The following CFAP299 variants were observed in gnomAD, a reference collection of about 807,000 sequenced individuals.
CFAP299 encodes cilia and flagella associated protein 299.
In CFAP299, 21 loss-of-function variants were observed where a neutral mutation model predicts 27.0. That is an observed-to-expected ratio of 0.78 (90% confidence interval 0.55 to 1.12). The LOEUF is 1.12. Among genes scored for constraint, CFAP299 ranks in the 50% most tolerant of loss-of-function variants. CFAP299 has a pLI of 0.00. For missense variants in CFAP299, 310 were observed against 276.6 expected (o/e 1.12, Z -0.86); for synonymous variants, 104 against 98.1 (o/e 1.06, Z -0.36).
intron 3 of CFAP299, among the ~76,000 whole-genome samples, chr4:80,730,369 C>T (rs1372106483): frequency 1.3e-5 from 2 of 151,574 alleles, no homozygotes; most frequent in East Asian, 1.9e-4. Flanking sequence ...AACACTCTTA[C>T]ACTTCCACAT....
At chr4:80,797,797 A>T (rs893498891) in intron 3 of CFAP299, among the ~76,000 whole-genome samples, 1 of 151,672 alleles carries the variant, frequency 6.6e-6, no homozygotes, top group Non-Finnish European at 1.5e-5. Context: ...TGACTAATCC[A>T]CTCCACCATC....
intron 3 of CFAP299, among the ~76,000 whole-genome samples, chr4:80,806,660 G>A (rs919661333): frequency 2.6e-5 from 4 of 152,154 alleles, no homozygotes; most frequent in African/African-American, 9.7e-5. Flanking sequence ...ACAAACAACA[G>A]AAAGTGGAAC....
intron 3 of CFAP299, among the ~76,000 whole-genome samples, chr4:80,804,317 T>C (rs1022020584): frequency 2.6e-5 from 4 of 152,138 alleles, no homozygotes; most frequent in African/African-American, 9.7e-5. Flanking sequence ...CCATTCTACT[T>C]TCTGTCTCTA....
chr4:80,791,435 A>G (rs1329248169), intron 3 of CFAP299, among the ~76,000 whole-genome samples: 54 of 152,096 alleles, frequency 3.6e-4, no homozygotes, highest in Non-Finnish European at 2.9e-5. Flanking sequence ...GATAATATGT[A>G]CAACATATTT....
intron 3 of CFAP299, among the ~76,000 whole-genome samples, chr4:80,658,589 C>A (rs1169415737): frequency 6.6e-6 from 1 of 151,852 alleles, no homozygotes; most frequent in Non-Finnish European, 1.5e-5. Context: ...AAGCTTAAAC[C>A]AGGAAAAGTG....
chr4:80,444,320 C>T (rs1728509433), intron 2 of CFAP299, among the ~76,000 whole-genome samples: 1 of 152,082 alleles, frequency 6.6e-6, no homozygotes, highest in Non-Finnish European at 1.5e-5. Flanking sequence ...GGTACTGGTA[C>T]CAAAACAGAT....
chr4:80,861,331 G>T (rs1195024670), intron 3 of CFAP299, among the ~76,000 whole-genome samples: 1 of 152,152 alleles, frequency 6.6e-6, no homozygotes, highest in African/African-American at 2.4e-5. Context: ...TCTTTGACTA[G>T]GAACGGGAAC....
chr4:80,679,077 C>A (rs1174326590), intron 3 of CFAP299, among the ~76,000 whole-genome samples: 1 of 152,098 alleles, frequency 6.6e-6, no homozygotes, highest in African/African-American at 2.4e-5. Flanking sequence ...ACCCACTTCT[C>A]TTCCTGTCCT....
chr4:80,401,078 C>T (rs1329287087), intron 2 of CFAP299, among the ~76,000 whole-genome samples: 1 of 152,094 alleles, frequency 6.6e-6, no homozygotes, highest in African/African-American at 2.4e-5. Context: ...TTCTAAACAT[C>T]AAAGCATTCA....
chr4:80,938,484 A>T (rs1197165325), intron 4 of CFAP299, among the ~76,000 whole-genome samples: 1 of 152,202 alleles, frequency 6.6e-6, no homozygotes, highest in African/African-American at 2.4e-5. Flanking sequence ...TTTGTTACCC[A>T]TAAGGAATAC....
At chr4:80,693,898 T>C (rs1720920037) in intron 3 of CFAP299, among the ~76,000 whole-genome samples, 2 of 151,848 alleles carry the variant, frequency 1.3e-5, no homozygotes, top group African/African-American at 4.8e-5. Flanking sequence ...CAATAAAAAT[T>C]TGTAAAATTT....
chr4:80,891,778 T>TAAAAAAAAAAAAAA (rs1200985883), intron 4 of CFAP299, among the ~76,000 whole-genome samples: 1 of 25,596 alleles, frequency 3.9e-5, no homozygotes, highest in Non-Finnish European at 7.3e-5. Context: ...AAAAAAAAAT[T>TAAAAAAAAAAAAAA]AAAAAAAAAA....
At chr4:80,509,177 T>A (rs1197070453) in intron 2 of CFAP299, among the ~76,000 whole-genome samples, 1 of 152,122 alleles carries the variant, frequency 6.6e-6, no homozygotes, top group Non-Finnish European at 1.5e-5. Context: ...AAATACAGAA[T>A]TTGAACATAC....
At chr4:80,712,773 G>C (rs569091338) in intron 3 of CFAP299, among the ~76,000 whole-genome samples, 54 of 152,210 alleles carry the variant, frequency 3.5e-4, no homozygotes, top group African/African-American at 1.3e-3. Flanking sequence ...AAAATGATCT[G>C]TTGACTTTTA....
chr4:80,591,856 CAA>C (rs1362292413), intron 3 of CFAP299, among the ~76,000 whole-genome samples: 1 of 152,168 alleles, frequency 6.6e-6, no homozygotes, highest in Admixed American at 6.5e-5. Context: ...TGGTTTACAG[CAA>C]AGAGAACATT....
At chr4:80,645,599 T>C (rs1018947973) in intron 3 of CFAP299, among the ~76,000 whole-genome samples, 6 of 152,178 alleles carry the variant, frequency 3.9e-5, no homozygotes, top group African/African-American at 1.4e-4. Context: ...GCACGTTCAG[T>C]GCTCAAGAAA....
chr4:80,718,000 G>C (rs2110042833), intron 3 of CFAP299, among the ~76,000 whole-genome samples: 1 of 151,800 alleles, frequency 6.6e-6, no homozygotes, highest in East Asian at 1.9e-4. Context: ...TTCTCCTATG[G>C]TTTTATAGTT....
At chr4:80,708,676 C>T (rs1434139490) in intron 3 of CFAP299, among the ~76,000 whole-genome samples, 1 of 151,992 alleles carries the variant, frequency 6.6e-6, no homozygotes, top group Admixed American at 6.6e-5. Context: ...TGGAAAGAGT[C>T]ACTTGGACAA....
chr4:80,912,745 C>T (rs1309051757), intron 4 of CFAP299, among the ~76,000 whole-genome samples: 2 of 152,256 alleles, frequency 1.3e-5, no homozygotes, highest in East Asian at 1.9e-4. Context: ...AGCACTAACT[C>T]ACATGATCCC....
Sources: allele counts gnomAD v4.1 joint callset (sites outside exome capture counted in the v4.1 genomes callset), GRCh38; gene constraint gnomAD v4.1.1; transcripts MANE v1.5; gene names NCBI Gene and HGNC (gene_info 2026-07-23, HGNC 2026-07-21).